The following SORCS2 variants were observed in gnomAD, a reference collection of about 807,000 sequenced individuals.
SORCS2 encodes sortilin related VPS10 domain containing receptor 2.
In SORCS2, 100 loss-of-function variants were observed where a neutral mutation model predicts 141.6. The observed-to-expected ratio is 0.71, with a 90% CI of 0.60 to 0.83. The LOEUF is 0.83. SORCS2 is among the 40% of genes least tolerant of loss of function. SORCS2 has a pLI of 0.00. For synonymous variants in SORCS2, 789 were observed against 676.9 expected (o/e 1.17, Z -2.57); for missense variants, 1,646 against 1,560.2 (o/e 1.05, Z -0.93).
At chr4:7,248,813 G>A (rs949142096) in intron 1 of SORCS2, among the ~76,000 whole-genome samples, 4 of 152,198 alleles carry the variant, frequency 2.6e-5, no homozygotes, top group African/African-American at 4.8e-5. Context: ...AATTCCATTC[G>A]TGGCCTGAGA....
chr4:7,257,210 C>T (rs112558797), intron 1 of SORCS2, among the ~76,000 whole-genome samples: 3 of 152,072 alleles, frequency 2.0e-5, no homozygotes, highest in African/African-American at 7.2e-5. Flanking sequence ...GGTGGCCTCT[C>T]CAGGCCTCTG....
intron 2 of SORCS2, among the ~76,000 whole-genome samples, chr4:7,478,185 C>T (rs59087348): frequency 0.016 from 2,450 of 152,226 alleles, 66 homozygotes; most frequent in African/African-American, 0.055. Flanking sequence ...TGAAAAAGGC[C>T]GGGCGTGTAG....
chr4:7,318,516 C>T (rs946480910), intron 1 of SORCS2, among the ~76,000 whole-genome samples: 1 of 152,224 alleles, frequency 6.6e-6, no homozygotes, highest in African/African-American at 2.4e-5. Context: ...GGCTCTTCCA[C>T]TTGCCTGTGC....
chr4:7,557,055 T>C (rs1240081553), intron 3 of SORCS2, among the ~76,000 whole-genome samples: 1 of 152,098 alleles, frequency 6.6e-6, no homozygotes, highest in Non-Finnish European at 1.5e-5. Flanking sequence ...TCCTCCCTTG[T>C]ACCAGGCATA....
intron 20 of SORCS2, among the ~76,000 whole-genome samples, chr4:7,725,673 C>T (rs974655263): frequency 1.3e-5 from 2 of 152,186 alleles, no homozygotes; most frequent in African/African-American, 4.8e-5. Context: ...GTCAAGGGGG[C>T]TCAGAAGCCT....
intron 1 of SORCS2, among the ~76,000 whole-genome samples, chr4:7,373,470 ATATATATATTTTTTTT>A (rs1722393592): frequency 1.6e-5 from 1 of 61,100 alleles, no homozygotes; most frequent in African/African-American, 1.1e-4. Flanking sequence ...ATATATATAT[ATATATATATTTTTTTT>A]TTTTTTTTTT....
intron 3 of SORCS2, among the ~76,000 whole-genome samples, chr4:7,562,768 T>C (rs904485382): frequency 5.3e-5 from 8 of 152,208 alleles, no homozygotes; most frequent in African/African-American, 1.9e-4. Context: ...CAGCCTCTGA[T>C]GGTTACTGGC....
At chr4:7,640,150 TG>T (rs1720593692) in intron 4 of SORCS2, among the ~76,000 whole-genome samples, 1 of 150,422 alleles carries the variant, frequency 6.6e-6, no homozygotes, top group Non-Finnish European at 1.5e-5. Flanking sequence ...CATGAGTGTG[TG>T]GTGTGTATGG....
chr4:7,379,285 G>A (rs1055496345), intron 1 of SORCS2, among the ~76,000 whole-genome samples: 7 of 152,150 alleles, frequency 4.6e-5, no homozygotes, highest in African/African-American at 1.4e-4. Context: ...CTGAGCCTTG[G>A]GAGGGCAGGA....
At chr4:7,287,766 C>T (rs917300786) in intron 1 of SORCS2, among the ~76,000 whole-genome samples, 4 of 152,216 alleles carry the variant, frequency 2.6e-5, no homozygotes, top group South Asian at 2.1e-4. Flanking sequence ...GTGCTGTGGG[C>T]GGGCGTGGGT....
rs374655365 is a variant in SORCS2, at chr4:7,388,029, C to T, written c.481-8259C>T. Reference sequence around the variant, plus strand: ...GCACATGCATACAGATACACAGATACGCACACATGCACACACACATGCACA... The same window carrying T: ...GCACATGCATACAGATACACAGATATGCACACATGCACACACACATGCACA... On this transcript the variant is annotated intron_variant, in intron 1 of 26. Transcript: ENST00000507866. 2.2e-3 allele frequency among the ~76,000 whole-genome samples: 325 copies of T among 149,412 alleles called. 9 individuals are homozygous for T. The South Asian group carries it at 0.047, about 22-fold the overall frequency.
rs1365345256 is a variant in SORCS2, at chr4:7,403,983, A to G, written c.548+7628A>G. Among the ~76,000 whole-genome samples, 32 of 20,226 alleles carry G rather than the reference A, an allele frequency of 1.6e-3. 1 individual carries two copies. Among genetic ancestry groups the G allele is most frequent in the Non-Finnish European group, 3.4e-3 (31 of 9,242 alleles). 13.3% of individuals were successfully genotyped at this position (20,226 alleles called of 152,430 possible). A position where few individuals can be genotyped will look rare whatever the true frequency, so the allele number is the denominator to read the frequency against. On this transcript the variant is annotated intron_variant, in intron 2 of 26. Coordinates refer to ENST00000507866, the MANE Select transcript of SORCS2 (RefSeq NM_020777.3). ...TGTGTATATATATATATATATATAT[A>G]TATATATATATATATTTTTTTTTTT...
intron 1 of SORCS2, among the ~76,000 whole-genome samples, chr4:7,395,642 G>A (rs1406032640): frequency 2.3e-5 from 2 of 86,066 alleles, no homozygotes; most frequent in African/African-American, 8.8e-5. Context: ...GGCCTGAAAT[G>A]CAAACAGCGT....
intron 2 of SORCS2, among the ~76,000 whole-genome samples, chr4:7,441,645 T>C (rs1429403271): frequency 2.5e-4 from 33 of 131,504 alleles, no homozygotes; most frequent in Admixed American, 7.4e-4. Context: ...GATCACCATC[T>C]ACCCCCTCCC....
intron 3 of SORCS2, among the ~76,000 whole-genome samples, chr4:7,604,608 G>A (rs937943685): frequency 6.6e-6 from 1 of 152,180 alleles, no homozygotes; most frequent in Non-Finnish European, 1.5e-5. Context: ...CTATGGTGAT[G>A]GTTTTAAAAG....
intron 8 of SORCS2, among the ~76,000 whole-genome samples, chr4:7,674,997 T>C (rs1043226098): frequency 2.6e-5 from 4 of 152,084 alleles, no homozygotes; most frequent in African/African-American, 9.7e-5. Context: ...CAGAGGGTGA[T>C]GAAGCTCCAG....
intron 3 of SORCS2, among the ~76,000 whole-genome samples, chr4:7,561,542 A>T (rs968303987): frequency 1.5e-5 from 1 of 65,648 alleles, no homozygotes; most frequent in East Asian, 2.3e-4. Flanking sequence ...CCATGTATCC[A>T]TTCATGCATC....
chr4:7,294,766 C>T (rs1363863375), intron 1 of SORCS2, among the ~76,000 whole-genome samples: 2 of 20,950 alleles, frequency 9.5e-5, no homozygotes, highest in African/African-American at 5.3e-4. Context: ...CCAGCTCCCT[C>T]CTCCCCCTCC....
At chr4:7,714,093 T>G in intron 15 of SORCS2, 147 bp from the exon 16 acceptor site, 2 of 1,183,142 alleles carry the variant, frequency 1.7e-6, no homozygotes, top group Non-Finnish European at 2.3e-6. Context: ...ACTGCAGACA[T>G]GTCACGCCCC....
Sources: gnomAD v4.1 joint callset for allele counts (sites outside exome capture counted in the v4.1 genomes callset) on GRCh38, gnomAD v4.1.1 for gene constraint, MANE v1.5 for transcripts, NCBI Gene and HGNC (gene_info 2026-07-23, HGNC 2026-07-21) for gene names.